The following PDPR variants were observed in gnomAD, a reference collection of about 807,000 sequenced individuals.
PDPR encodes pyruvate dehydrogenase phosphatase regulatory subunit, mitochondrial.
A neutral mutation model predicts 102.2 loss-of-function variants in PDPR; 50 were observed. The ratio of observed to expected loss-of-function variants is 0.49; its 90% confidence interval spans 0.39 to 0.62. PDPR has a LOEUF of 0.62. Among genes scored for constraint, PDPR ranks in the 20% least tolerant of loss-of-function variants. The pLI is 0.00. For missense variants in PDPR, 625 were observed against 1,098.2 expected (o/e 0.57, Z 6.09); for synonymous variants, 259 against 406.0 (o/e 0.64, Z 4.35).
At chr16:70,145,423 A>G (rs1205521841) in intron 15 of PDPR, among the ~76,000 whole-genome samples, 1 of 152,252 alleles carries the variant, frequency 6.6e-6, no homozygotes, top group Non-Finnish European at 1.5e-5. Flanking sequence ...GGCATGAGCC[A>G]CCACGCCCAG....
At chr16:70,149,457 G>T (rs1254917333) in intron 17 of PDPR, among the ~76,000 whole-genome samples, 1 of 152,120 alleles carries the variant, frequency 6.6e-6, no homozygotes, top group African/African-American at 2.4e-5. Flanking sequence ...GTACAGACGG[G>T]GCTTCACCAT....
In PDPR at chr16:70,156,600, G is replaced by C. The variant is rs745447826; in HGVS notation, c.2361G>C (p.Glu787Asp). The change falls in exon 19 of 19, where the codon GAG (glutamate) becomes GAC (aspartate). Residue 787 changes from glutamate (E) to aspartate (D), a missense_variant. Coordinates refer to ENST00000288050, the MANE Select transcript of PDPR (RefSeq NM_017990.5). ...SDLDLWPWWG[E>D]PIYRNGQYVG... ...TAGACCTTTGGCCTTGGTGGGGAGA[G>C]CCCATTTACCGGAATGGGCAGTATG... 3.7e-6 allele frequency: 6 copies of C among 1,614,102 alleles called. No homozygotes were observed. The highest frequency in any genetic ancestry group is 1.7e-5 in the Admixed American group (1 of 60,032).
At chr16:70,154,930 C>T (rs567553408) in intron 18 of PDPR, among the ~76,000 whole-genome samples, 5 of 152,352 alleles carry the variant, frequency 3.3e-5, no homozygotes, top group African/African-American at 1.2e-4. Context: ...TGAGACAGCA[C>T]ACCCGGCCTA....
Position 70,148,464 on chromosome 16 carries a change from G to A in PDPR, c.1963G>A (p.Glu655Lys), listed in dbSNP as rs374780538. The change falls in exon 17 of 19, where the codon GAG (glutamate) becomes AAG (lysine). Residue 655 changes from glutamate to lysine, a missense_variant and splice_region_variant. Transcript: ENST00000288050. ...CTGACTGCTGCCTTTGTCCCTGCAG[G>A]AGATGAGTGTGGGCTATGCAAATGG... ...PDHFPSLFCK[E>K]MSVGYANGIR... 4.3e-6 allele frequency: 7 copies of A among 1,612,074 alleles called. No individual in the cohort carries two copies. The highest frequency in any genetic ancestry group is 5.9e-6 in the Non-Finnish European group (7 of 1,178,512).
chr16:70,120,285 C>T lies in PDPR; in HGVS notation c.-32-176C>T, dbSNP rs367950019. The stretch of plus-strand genomic sequence containing the variant: ...CAGGATGGTCTCGATCTCCTGACCT[C>T]GTGATCCGCCCGCCTTGGCCTCCCA... On this transcript the variant is annotated intron_variant, in intron 2 of 18. Coordinates refer to ENST00000288050, the MANE Select transcript of PDPR (RefSeq NM_017990.5). 848 of 519,858 alleles carry T rather than the reference C, an allele frequency of 1.6e-3. 15 individuals carry two copies. Among genetic ancestry groups the T allele is most frequent in the African/African-American group, 0.014 (749 of 51,964 alleles). 32.2% of individuals were successfully genotyped at this position (519,858 alleles called of 1,614,324 possible). A position where few individuals can be genotyped will look rare whatever the true frequency, so the allele number is the denominator to read the frequency against.
intron 17 of PDPR, among the ~76,000 whole-genome samples, chr16:70,149,221 G>A (rs1157157588): frequency 6.6e-5 from 10 of 151,730 alleles, no homozygotes; most frequent in Admixed American, 2.0e-4. Flanking sequence ...AACAGAAATG[G>A]AAGCATACTG....
chr16:70,116,687 C>T (rs1167673862), intron 2 of PDPR, among the ~76,000 whole-genome samples: 3 of 151,470 alleles, frequency 2.0e-5, no homozygotes, highest in Non-Finnish European at 2.9e-5. Context: ...ACCACAGGTG[C>T]GTGCCACCAC....
chr16:70,120,832 C>T (rs987981327), intron 3 of PDPR, 113 bp downstream of exon 3: 2 of 693,464 alleles, frequency 2.9e-6, no homozygotes, highest in African/African-American at 1.8e-5. Flanking sequence ...TGCTAAGTAG[C>T]ATGAGAAGAA....
chr16:70,129,756 A>T (rs1441105069), intron 6 of PDPR, among the ~76,000 whole-genome samples: 1 of 152,282 alleles, frequency 6.6e-6, no homozygotes, highest in East Asian at 1.9e-4. Context: ...TCATGAGCCC[A>T]GTTGCATTGA....
At chr16:70,143,193 A>G (rs1215528344) in intron 13 of PDPR, among the ~76,000 whole-genome samples, 1 of 152,184 alleles carries the variant, frequency 6.6e-6, no homozygotes, top group African/African-American at 2.4e-5. Context: ...ATCTCAAAAA[A>G]AAAAACAAAA....
At chr16:70,162,973 CAG>C (rs1406042373), downstream of PDPR, among the ~76,000 whole-genome samples, 13 of 152,308 alleles carry the variant, frequency 8.5e-5, no homozygotes, top group South Asian at 2.5e-3. Flanking sequence ...TTTTTTGAGG[CAG>C]AGTCTTGCTC....
chr16:70,156,908 C>T lies in PDPR; in HGVS notation c.*29C>T. 1 of 1,606,964 alleles carries T rather than the reference C, an allele frequency of 6.2e-7. No individual in the cohort carries two copies. On this transcript the variant is annotated 3_prime_UTR_variant, in exon 19 of 19. Coordinates refer to ENST00000288050, the MANE Select transcript of PDPR (RefSeq NM_017990.5). ...CACCAGGGCAGCCTCACCTCCTCCC[C>T]ATCATCTTGTCCTAGAGTGGGCGTC...
chr16:70,146,669 C>CA (rs1966265006), intron 16 of PDPR, among the ~76,000 whole-genome samples: 1 of 77,232 alleles, frequency 1.3e-5, no homozygotes, highest in Non-Finnish European at 2.6e-5. Flanking sequence ...ATAATCCCAG[C>CA]ACTTTGGGAT....
chr16:70,145,352 G>A (rs1482145245), intron 15 of PDPR, among the ~76,000 whole-genome samples: 1 of 152,226 alleles, frequency 6.6e-6, no homozygotes, highest in African/African-American at 2.4e-5. Flanking sequence ...TGGCCAGGCT[G>A]GTCTTGAACT....
intron 17 of PDPR, among the ~76,000 whole-genome samples, chr16:70,152,246 C>T (rs1315158347): frequency 3.9e-5 from 6 of 152,394 alleles, no homozygotes; most frequent in Middle Eastern, 3.4e-3. Flanking sequence ...CTTCCCGGCA[C>T]GGTGGCTCAT....
intron 2 of PDPR, among the ~76,000 whole-genome samples, chr16:70,116,345 A>G (rs1453573869): frequency 7.4e-6 from 1 of 134,266 alleles, no homozygotes; most frequent in Non-Finnish European, 1.6e-5. Flanking sequence ...CCAAAGTGCT[A>G]GGATTACAGG....
chr16:70,162,977 G>A (rs1451071584), downstream of PDPR, among the ~76,000 whole-genome samples: 11 of 152,264 alleles, frequency 7.2e-5, no homozygotes, highest in Admixed American at 1.3e-4. Flanking sequence ...TTGAGGCAGA[G>A]TCTTGCTCTT....
intron 3 of PDPR, among the ~76,000 whole-genome samples, chr16:70,125,391 C>CGAAAA (rs1963829979): frequency 6.9e-6 from 1 of 144,996 alleles, no homozygotes; most frequent in South Asian, 2.2e-4. Context: ...AACAAACAAA[C>CGAAAA]AAAAAAACAA....
chr16:70,153,279 T>C (rs1231216174), intron 17 of PDPR, 112 bp from the exon 18 acceptor site: 2 of 1,198,026 alleles, frequency 1.7e-6, no homozygotes, highest in Non-Finnish European at 2.3e-6. Flanking sequence ...GGGAGTTTTA[T>C]ACGCCTCCTC....
Sources: gnomAD v4.1 joint callset for allele counts (sites outside exome capture counted in the v4.1 genomes callset) on GRCh38, gnomAD v4.1.1 for gene constraint, MANE v1.5 for transcripts, NCBI Gene and HGNC (gene_info 2026-07-23, HGNC 2026-07-21) for gene names.